Variants in ARFIP1 observed in about 807,000 individuals in gnomAD.
ARFIP1 encodes the protein ARF interacting protein 1.
In ARFIP1, 24 loss-of-function variants were observed where a neutral mutation model predicts 42.5. The observed-to-expected ratio is 0.57, with a 90% CI of 0.41 to 0.80. ARFIP1 has a LOEUF of 0.80. Ranked by LOEUF, ARFIP1 falls within the 30% of genes least tolerant of loss-of-function variation. The pLI is 0.00. For synonymous variants in ARFIP1, 141 were observed against 153.7 expected (o/e 0.92, Z 0.61); for missense variants, 354 against 434.0 (o/e 0.82, Z 1.64).
intron 1 of ARFIP1, among the ~76,000 whole-genome samples, chr4:152,782,147 G>A (rs955851421): frequency 6.6e-6 from 1 of 151,714 alleles, no homozygotes; most frequent in African/African-American, 2.4e-5. Context: ...ACTGTGCAAA[G>A]GAGATATATA....
intron 1 of ARFIP1, among the ~76,000 whole-genome samples, chr4:152,798,268 A>G (rs1273442482): frequency 6.6e-6 from 1 of 152,198 alleles, no homozygotes; most frequent in African/African-American, 2.4e-5. Flanking sequence ...GTCTCAAAAA[A>G]CAAGAATAGT....
intron 1 of ARFIP1, among the ~76,000 whole-genome samples, chr4:152,814,054 G>T (rs1179877824): frequency 6.7e-6 from 1 of 149,862 alleles, no homozygotes; most frequent in Admixed American, 6.6e-5. Flanking sequence ...TAGGTGGACA[G>T]TTTTTCTTTT....
chr4:152,792,819 A>G (rs2149816646), intron 1 of ARFIP1, among the ~76,000 whole-genome samples: 1 of 152,322 alleles, frequency 6.6e-6, no homozygotes, highest in East Asian at 1.9e-4. Flanking sequence ...ATATATAAAA[A>G]TGTGATTTTT....
At chr4:152,848,639 C>G (rs185610052) in intron 2 of ARFIP1, among the ~76,000 whole-genome samples, 1 of 135,330 alleles carries the variant, frequency 7.4e-6, no homozygotes, top group Non-Finnish European at 1.7e-5. Context: ...CCAACTCCTA[C>G]CCCCACCAGT....
chr4:152,824,754 G>A (rs1205162497), intron 1 of ARFIP1, among the ~76,000 whole-genome samples: 1 of 152,170 alleles, frequency 6.6e-6, no homozygotes, highest in African/African-American at 2.4e-5. Flanking sequence ...GAAGTCCGGT[G>A]ATCTCTGTTT....
chr4:152,837,965 A>G (rs2149853563), intron 2 of ARFIP1, among the ~76,000 whole-genome samples: 1 of 152,252 alleles, frequency 6.6e-6, no homozygotes, highest in African/African-American at 2.4e-5. Flanking sequence ...AAGGTGAGAG[A>G]TGAGAATCCA....
chr4:152,812,291 G>C (rs1729532142), intron 1 of ARFIP1, among the ~76,000 whole-genome samples: 1 of 152,134 alleles, frequency 6.6e-6, no homozygotes, highest in Non-Finnish European at 1.5e-5. Context: ...ACCTCCCTGG[G>C]TTAAGCAATC....
chr4:152,805,745 G>A (rs112378024), intron 1 of ARFIP1, among the ~76,000 whole-genome samples: 2,420 of 152,284 alleles, frequency 0.016, 61 homozygotes, highest in African/African-American at 0.055. Context: ...TTTATTTTGT[G>A]CCACAACAAT....
chr4:152,894,023 G>A (rs1044314796), intron 8 of ARFIP1, among the ~76,000 whole-genome samples: 1 of 151,892 alleles, frequency 6.6e-6, no homozygotes, highest in Non-Finnish European at 1.5e-5. Context: ...TTTGAAACCA[G>A]CCTGGCCAAC....
At chr4:152,872,361 A>G in intron 4 of ARFIP1, 91 bp from the exon 5 acceptor site, 5 of 839,226 alleles carry the variant, frequency 6.0e-6, no homozygotes, top group Non-Finnish European at 9.3e-6. Context: ...TTAGATGCAT[A>G]AGAATTTCAA....
intron 1 of ARFIP1, among the ~76,000 whole-genome samples, chr4:152,798,970 G>A (rs1731639452): frequency 6.6e-6 from 1 of 152,208 alleles, no homozygotes; most frequent in African/African-American, 2.4e-5. Flanking sequence ...ATGAAGGTCA[G>A]GGAGATCTGA....
chr4:152,786,127 T>C (rs1212908078), intron 1 of ARFIP1, among the ~76,000 whole-genome samples: 1 of 152,202 alleles, frequency 6.6e-6, no homozygotes, highest in Non-Finnish European at 1.5e-5. Flanking sequence ...ATGGTCAAAG[T>C]CTAAGTCTAA....
chr4:152,829,399 A>G (rs1731093009), intron 1 of ARFIP1, among the ~76,000 whole-genome samples: 1 of 152,176 alleles, frequency 6.6e-6, no homozygotes, highest in African/African-American at 2.4e-5. Context: ...TCTGGTACCT[A>G]CAACAAATAT....
chr4:152,869,963 C>G (rs1435625166), intron 3 of ARFIP1, among the ~76,000 whole-genome samples: 3 of 152,210 alleles, frequency 2.0e-5, no homozygotes, highest in Non-Finnish European at 4.4e-5. Context: ...GCCTGTTTCA[C>G]TGATAATCAG....
chr4:152,815,609 A>G (rs1183833010), intron 1 of ARFIP1, among the ~76,000 whole-genome samples: 3 of 152,080 alleles, frequency 2.0e-5, no homozygotes, highest in African/African-American at 7.2e-5. Flanking sequence ...TGGCAATTCC[A>G]TCTTTCCAGC....
rs577586261 is a variant in ARFIP1 at position 152,854,658 on chromosome 4, G to T, written c.94-8948G>T. Among the ~76,000 whole-genome samples the T allele has an allele frequency of 3.3e-5, 5 of 152,268 alleles. No individual in the cohort carries two copies. The East Asian group carries it at 9.6e-4, about 29-fold the overall frequency. ...TGTATCTATGCTATTGGGTGAGTAGGCTACTTTGACTTTGATTCTTGTGCA... is the reference window on the plus strand; with the variant it reads ...TGTATCTATGCTATTGGGTGAGTAGTCTACTTTGACTTTGATTCTTGTGCA... On this transcript the variant is annotated intron_variant, in intron 2 of 8. Coordinates refer to ENST00000353617, the MANE Select transcript of ARFIP1 (RefSeq NM_001025595.3).
intron 1 of ARFIP1, chr4:152,796,317 A>C: frequency 1.2e-6 from 1 of 812,780 alleles, no homozygotes; most frequent in Admixed American, 2.2e-5. Context: ...TTGAAATGCA[A>C]GCCCATTGGC....
At chr4:152,888,384 C>T (rs1736446548) in intron 8 of ARFIP1, 77 bp downstream of exon 8, 2 of 1,033,178 alleles carry the variant, frequency 1.9e-6, no homozygotes. Context: ...TTTTCTGTTT[C>T]TGTTAACTCT....
intron 1 of ARFIP1, among the ~76,000 whole-genome samples, chr4:152,803,564 A>G (rs371358651): frequency 6.6e-6 from 1 of 152,280 alleles, no homozygotes; most frequent in African/African-American, 2.4e-5. Flanking sequence ...TCCACCCCCA[A>G]CATCCCCAGT....
Sources: allele counts gnomAD v4.1 joint callset (sites outside exome capture counted in the v4.1 genomes callset), GRCh38; gene constraint gnomAD v4.1.1; transcripts MANE v1.5; gene names NCBI Gene and HGNC (gene_info 2026-07-23, HGNC 2026-07-21).